Variants in ERI1 observed in about 807,000 individuals in gnomAD.
The protein encoded by ERI1 is 3'-5' exoribonuclease 1.
A neutral mutation model predicts 39.7 loss-of-function variants in ERI1; 39 were observed. The ratio of observed to expected loss-of-function variants is 0.98; its 90% CI spans 0.76 to 1.28. The LOEUF (loss-of-function observed/expected upper bound fraction) is 1.28. ERI1 is among the 50% of genes most tolerant of loss of function. ERI1 has a pLI of 0.00. For synonymous variants in ERI1, 204 were observed against 149.6 expected (o/e 1.36, Z -2.65); for missense variants, 581 against 416.9 (o/e 1.39, Z -3.43).
intron 3 of ERI1, among the ~76,000 whole-genome samples, chr8:9,047,055 G>A (rs913037247): frequency 2.6e-5 from 4 of 152,138 alleles, no homozygotes; most frequent in African/African-American, 7.2e-5. Context: ...AATAAAGCAC[G>A]GCTGTTCCCA....
At chr8:9,071,405 T>A (rs762865023) in intron 3 of ERI1, among the ~76,000 whole-genome samples, 1 of 152,222 alleles carries the variant, frequency 6.6e-6, no homozygotes, top group African/African-American at 2.4e-5. Flanking sequence ...ACGGTGGAAT[T>A]CAATATAATT....
Position 9,046,431 on chromosome 8 carries a change from C to T in ERI1, n.299+25967C>T, listed in dbSNP as rs553542108. ...GCAGTTCCTGAGGCCACACTGCACA[C>T]GGCCACACTCCTCTCCTTGCTTCCA... On this transcript the variant is annotated intron_variant and non_coding_transcript_variant, in intron 3 of 3. Transcript: ENST00000518663. 2.0e-4 allele frequency among the ~76,000 whole-genome samples: 31 copies of T among 152,320 alleles called. 1 individual carries two copies. Among genetic ancestry groups the T allele is most frequent in the Admixed American group, 1.1e-3 (17 of 15,294 alleles).
rs2117312695 is a variant in ERI1 at position 9,031,682 on chromosome 8, T to G, written c.*1648T>G. 6.6e-6 allele frequency: 1 copy of G among 152,340 alleles called. No homozygotes were observed. Among genetic ancestry groups the G allele is most frequent in the East Asian group, 1.9e-4 (1 of 5,190 alleles). The allele number at this position is 152,340 out of a possible 1,614,324, so 9.4% of individuals were successfully genotyped here. A position where few individuals can be genotyped will look rare whatever the true frequency, so the allele number is the denominator to read the frequency against. The stretch of plus-strand genomic sequence containing the variant: ...TGCTAATTTCTTTGCCTGTTTTCAC[T>G]TTCGCCAAGTACCAACAAGCTCATG... On this transcript the variant is annotated 3_prime_UTR_variant, in exon 7 of 7. Coordinates refer to ENST00000250263, the MANE Select transcript of ERI1 (RefSeq NM_153332.4).
chr8:9,072,768 A>AC (rs1213775091), intron 3 of ERI1, among the ~76,000 whole-genome samples: 1 of 151,864 alleles, frequency 6.6e-6, no homozygotes, highest in Non-Finnish European at 1.5e-5. Flanking sequence ...GAACAGAGTG[A>AC]CCCCCCACCC....
chr8:9,016,922 A>G (rs1275076949), intron 4 of ERI1, among the ~76,000 whole-genome samples: 1 of 152,148 alleles, frequency 6.6e-6, no homozygotes. Context: ...CCTAACCTCA[A>G]GTGTCCCGCC....
At chr8:9,093,521 AAG>A (rs1411508177) in intron 3 of ERI1, among the ~76,000 whole-genome samples, 45 of 124,494 alleles carry the variant, frequency 3.6e-4, no homozygotes, top group African/African-American at 1.5e-3. Flanking sequence ...AAAAAAAAAA[AAG>A]AAGAAGAAGA....
intron 4 of ERI1, among the ~76,000 whole-genome samples, chr8:9,016,958 C>A (rs189637374): frequency 6.6e-6 from 1 of 152,194 alleles, no homozygotes; most frequent in Non-Finnish European, 1.5e-5. Flanking sequence ...GCTGGGATTA[C>A]AGACGTGAGC....
At chr8:9,035,104 T>G (rs907678318), downstream of ERI1, among the ~76,000 whole-genome samples, 3 of 152,184 alleles carry the variant, frequency 2.0e-5, no homozygotes, top group African/African-American at 7.2e-5. Flanking sequence ...CCATGAAATT[T>G]AAAGAAAGAA....
rs1369002589 is a variant in ERI1 at position 9,030,642 on chromosome 8, C to T, written c.*608C>T. 6.6e-6 allele frequency: 1 copy of T among 152,356 alleles called. No individual in the cohort carries two copies. 9.4% of individuals were successfully genotyped at this position (152,356 alleles called of 1,614,324 possible). Reference sequence around the variant, plus strand: ...TAGGGTTTGGTTAAAAATCCAGTTACTGAAGGAATTAATGAAAACGTAGAA... The same window carrying T: ...TAGGGTTTGGTTAAAAATCCAGTTATTGAAGGAATTAATGAAAACGTAGAA... On this transcript the variant is annotated 3_prime_UTR_variant, in exon 7 of 7. Coordinates refer to ENST00000250263, the MANE Select transcript of ERI1 (RefSeq NM_153332.4).
Position 9,011,543 on chromosome 8 carries a change from G to A in ERI1, c.289G>A (p.Gly97Arg). 1.3e-6 allele frequency: 2 copies of A among 1,594,504 alleles called. No individual in the cohort carries two copies. The highest frequency in any genetic ancestry group is 8.6e-7 in the Non-Finnish European group (1 of 1,168,882). The part of the protein sequence containing the change: ...KLSEFKLETR[G>R]VKDVLKKRLK... ...AACTAGTCTTCTTCTTCTACTTAGA[G>A]GAGTAAAGGATGTTCTAAAGAAGAG... Residue 97 changes from glycine (G) to arginine (R), a missense_variant and splice_region_variant, in exon 3 of 7, where the codon GGA becomes AGA. Transcript: ENST00000250263.
At chr8:9,004,819 C>T (rs914774020) in intron 1 of ERI1, among the ~76,000 whole-genome samples, 82 of 151,564 alleles carry the variant, frequency 5.4e-4, no homozygotes, top group African/African-American at 1.9e-3. Context: ...TCCCTAGTAG[C>T]TGGGATTACA....
intron 1 of ERI1, among the ~76,000 whole-genome samples, chr8:9,006,155 C>T (rs1275513421): frequency 6.6e-6 from 1 of 152,182 alleles, no homozygotes; most frequent in Non-Finnish European, 1.5e-5. Context: ...TATTTTCTTT[C>T]TGCTCCTTGG....
chr8:9,029,864 T>C lies in ERI1; in HGVS notation c.880T>C (p.Cys294Arg), dbSNP rs758972657. 6.2e-7 allele frequency: 1 copy of C among 1,614,208 alleles called. No individual in the cohort carries two copies. The highest frequency in any genetic ancestry group is 2.2e-5 in the East Asian group (1 of 44,884). The part of the protein sequence containing the change: ...LGMDYDGRPH[C>R]GLDDSKNIAR... ...AATGGATTATGATGGGCGGCCTCAC[T>C]GTGGTCTTGATGACTCTAAGAATAT... The change falls in exon 7 of 7, where the codon TGT becomes CGT. Residue 294 changes from cysteine (C) to arginine (R), a missense_variant. Physicochemically the swap from Cys to Arg is radical, Grantham distance 180. Transcript: ENST00000250263.
intron 3 of ERI1, among the ~76,000 whole-genome samples, chr8:9,087,677 C>T (rs1054005836): frequency 2.0e-5 from 3 of 152,172 alleles, no homozygotes; most frequent in African/African-American, 7.2e-5. Context: ...TGTAGCAACA[C>T]ATTTCAATAG....
At chr8:9,014,435 C>A (rs533184539) in intron 3 of ERI1, among the ~76,000 whole-genome samples, 16 of 152,132 alleles carry the variant, frequency 1.1e-4, no homozygotes, top group Non-Finnish European at 2.1e-4. Flanking sequence ...CTTTCCTTTG[C>A]TTGCTCAAGG....
At chr8:9,025,655 C>T (rs939904947) in intron 6 of ERI1, among the ~76,000 whole-genome samples, 1 of 151,698 alleles carries the variant, frequency 6.6e-6, no homozygotes, top group Non-Finnish European at 1.5e-5. Flanking sequence ...AAGTTAATAA[C>T]TCTTTTTTGG....
intron 3 of ERI1, among the ~76,000 whole-genome samples, chr8:9,069,661 A>G (rs1315232902): frequency 6.6e-6 from 1 of 152,250 alleles, no homozygotes; most frequent in Admixed American, 6.5e-5. Flanking sequence ...GATCATTCGT[A>G]TCTCAGCATC....
intron 3 of ERI1, chr8:9,099,992 G>A (rs1368117167): frequency 2.6e-5 from 4 of 152,190 alleles, no homozygotes; most frequent in Admixed American, 2.6e-4. Context: ...ATGAAAAATT[G>A]TAGCTAACAT....
intron 3 of ERI1, among the ~76,000 whole-genome samples, chr8:9,080,950 A>C (rs1799348618): frequency 6.6e-6 from 1 of 152,242 alleles, no homozygotes; most frequent in South Asian, 2.1e-4. Context: ...ACACTGCTAT[A>C]AGGATACTAC....
Sources: allele counts gnomAD v4.1 joint callset (sites outside exome capture counted in the v4.1 genomes callset), GRCh38; gene constraint gnomAD v4.1.1; transcripts MANE v1.5; gene names NCBI Gene and HGNC (gene_info 2026-07-23, HGNC 2026-07-21).